PBLD: variants seen among roughly 807,000 people sequenced by gnomAD.
The protein encoded by PBLD is phenazine biosynthesis-like domain-containing protein.
In PBLD, 26 loss-of-function variants were observed where a neutral mutation model predicts 31.3. The ratio of observed to expected loss-of-function variants is 0.83; its 90% CI spans 0.61 to 1.15. The LOEUF (loss-of-function observed/expected upper bound fraction) is 1.15. Among genes scored for constraint, PBLD ranks in the 50% most tolerant of loss-of-function variants. The pLI, the probability that PBLD is intolerant of heterozygous loss-of-function variation, is 0.00. For missense variants in PBLD, 307 were observed against 351.7 expected, an observed-to-expected ratio of 0.87 and a Z score of 1.02; for synonymous variants, 114 against 129.0, an observed-to-expected ratio of 0.88 and a Z score of 0.79.
intron 1 of PBLD, among the ~76,000 whole-genome samples, chr10:68,318,557 T>C (rs1239193246): frequency 6.7e-6 from 1 of 149,966 alleles, no homozygotes; most frequent in Non-Finnish European, 1.5e-5. Flanking sequence ...CATAAAGCAA[T>C]AGTCATAAAT....
chr10:68,332,604 AG>A (rs1178597262), intron 1 of PBLD, among the ~76,000 whole-genome samples, 179 bp downstream of exon 1: 1 of 151,496 alleles, frequency 6.6e-6, no homozygotes, highest in Non-Finnish European at 1.5e-5. Flanking sequence ...AGGCCAGGGG[AG>A]GGGGTGGTCA....
chr10:68,300,183 G>A (rs1179212319), intron 2 of PBLD, among the ~76,000 whole-genome samples: 3 of 151,946 alleles, frequency 2.0e-5, no homozygotes, highest in South Asian at 4.2e-4. Context: ...GATCCTCTAC[G>A]CCCCGGCTTA....
intron 2 of PBLD, among the ~76,000 whole-genome samples, chr10:68,305,532 T>C (rs2134472320): frequency 6.6e-6 from 1 of 152,138 alleles, no homozygotes; most frequent in African/African-American, 2.4e-5. Context: ...GGCAGGTAGA[T>C]CACCTGAGGT....
intron 2 of PBLD, among the ~76,000 whole-genome samples, chr10:68,306,537 C>G (rs978435556): frequency 1.3e-5 from 2 of 152,174 alleles, no homozygotes; most frequent in Non-Finnish European, 2.9e-5. Context: ...GCTCTAGTTC[C>G]TCTTTATCTG....
Position 68,302,843 on chromosome 10 carries a change from GA to G in PBLD, c.84+3917del, listed in dbSNP as rs753219563. On this transcript the variant is annotated intron_variant, in intron 2 of 9. Coordinates refer to ENST00000358769, the MANE Select transcript of PBLD (RefSeq NM_022129.4). The stretch of plus-strand genomic sequence containing the variant: ...GGGAGAAAGCAAGGTCCTGTCTCTG[GA>G]AAAAAAAAAAAAAATTAGAATTTAA... Among the ~76,000 whole-genome samples the G allele has an allele frequency of 5.1e-3, 544 of 105,968 alleles. 5 individuals are homozygous for G. The highest frequency in any genetic ancestry group is 0.011 in the African/African-American group (314 of 29,456). The allele number at this position is 105,968 out of a possible 152,430, so 69.5% of individuals were successfully genotyped here.
rs1424321004 is a variant in PBLD at position 68,283,418 on chromosome 10, A to T, written c.*759T>A. 1 of 152,224 alleles carries T rather than the reference A, an allele frequency of 6.6e-6. No homozygotes were observed. Among genetic ancestry groups the T allele is most frequent in the African/African-American group, 2.4e-5 (1 of 41,448 alleles). The allele number at this position is 152,224 out of a possible 1,614,324, so 9.4% of individuals were successfully genotyped here. A position where few individuals can be genotyped will look rare whatever the true frequency, so the allele number is the denominator to read the frequency against. ...CCATGCTTATTTATATAGACATAGC[A>T]TAACACTGCTAACACTTTATGGCCT... is the stretch of plus-strand genomic sequence containing the variant. On this transcript the variant is annotated 3_prime_UTR_variant, in exon 10 of 10. Transcript: ENST00000358769.
chr10:68,319,108 AAAGG>A (rs769446661), intron 1 of PBLD, among the ~76,000 whole-genome samples: 6 of 132,234 alleles, frequency 4.5e-5, no homozygotes, highest in African/African-American at 1.2e-4. Flanking sequence ...AGAAAGAAAG[AAAGG>A]AAAAAGAAAG....
At chr10:68,296,197 G>A in intron 4 of PBLD, 69 bp downstream of exon 4, 1 of 1,145,330 alleles carries the variant, frequency 8.7e-7, no homozygotes. Flanking sequence ...CAGAAAAAGT[G>A]TGTGTGAGAA....
intron 4 of PBLD, among the ~76,000 whole-genome samples, chr10:68,293,325 C>A (rs542515572): frequency 6.6e-6 from 1 of 152,206 alleles, no homozygotes; most frequent in Non-Finnish European, 1.5e-5. Flanking sequence ...AAACTTTTTA[C>A]ATAACAATGT....
chr10:68,324,156 C>T (rs1359372936), intron 1 of PBLD, among the ~76,000 whole-genome samples: 2 of 146,226 alleles, frequency 1.4e-5, no homozygotes, highest in African/African-American at 5.0e-5. Flanking sequence ...TCCTAATTTT[C>T]TTTTTTTTTT....
At chr10:68,310,163 C>T (rs886119406) in intron 1 of PBLD, among the ~76,000 whole-genome samples, 5 of 149,220 alleles carry the variant, frequency 3.4e-5, no homozygotes, top group Non-Finnish European at 5.9e-5. Context: ...TAATAGAGTA[C>T]GGGCATTCAA....
At chr10:68,312,163 C>T (rs567410910) in intron 1 of PBLD, among the ~76,000 whole-genome samples, 59 of 152,290 alleles carry the variant, frequency 3.9e-4, no homozygotes, top group Admixed American at 1.5e-3. Flanking sequence ...AACACAAGAA[C>T]GCAGATATTT....
Position 68,308,371 on chromosome 10 carries a change from A to C in PBLD, c.-59-1468T>G, listed in dbSNP as rs535037091. ...TTTCTTCTGTGTTCCTGATTCTTTTATATATATTCCTAAAAGTGAAATCCC... is the reference window on the plus strand; with the variant it reads ...TTTCTTCTGTGTTCCTGATTCTTTTCTATATATTCCTAAAAGTGAAATCCC... On this transcript the variant is annotated intron_variant, in intron 1 of 9. Coordinates refer to ENST00000358769, the MANE Select transcript of PBLD (RefSeq NM_022129.4). 5.9e-5 allele frequency among the ~76,000 whole-genome samples: 9 copies of C among 152,272 alleles called. 1 individual carries two copies. The South Asian group carries it at 1.9e-3, about 32-fold the overall frequency.
chr10:68,286,842 G>T (rs184384161), intron 8 of PBLD, among the ~76,000 whole-genome samples: 2 of 120,326 alleles, frequency 1.7e-5, no homozygotes, highest in Admixed American at 1.7e-4. Flanking sequence ...CCTCTCGTTT[G>T]GGAAAACCTA....
chr10:68,314,750 AC>A (rs1203711643), intron 1 of PBLD, among the ~76,000 whole-genome samples: 1 of 151,956 alleles, frequency 6.6e-6, no homozygotes, highest in Non-Finnish European at 1.5e-5. Context: ...GGAGCACAAC[AC>A]CACACCAGGC....
rs184894758 is a variant in PBLD, at chr10:68,317,254, A to T, written c.-59-10351T>A. ...GTAAAATTAAGATACTTCCAGATAA[A>T]CAAAAACTTGTTGCTAGAATTTGTT... is the stretch of plus-strand genomic sequence containing the variant. On this transcript the variant is annotated intron_variant, in intron 1 of 9. Transcript: ENST00000358769. Among the ~76,000 whole-genome samples, 6 of 152,342 alleles carry T rather than the reference A, an allele frequency of 3.9e-5. No homozygotes were observed. In the East Asian group the frequency reaches 9.6e-4, roughly 24 times the overall value.
chr10:68,285,522 C>A, intron 8 of PBLD, 112 bp from the exon 9 acceptor site: 1 of 1,411,182 alleles, frequency 7.1e-7, no homozygotes, highest in Non-Finnish European at 9.4e-7. Flanking sequence ...CTCTAGATCA[C>A]CTAAATCATT....
intron 1 of PBLD, among the ~76,000 whole-genome samples, chr10:68,319,590 G>A (rs59774039): frequency 0.056 from 8,436 of 151,898 alleles, 807 homozygotes; most frequent in African/African-American, 0.19. Context: ...GTGTGGTGGT[G>A]TGTGCCAGTA....
At chr10:68,290,018 A>G (rs564999930) in intron 6 of PBLD, among the ~76,000 whole-genome samples, 1 of 152,266 alleles carries the variant, frequency 6.6e-6, no homozygotes, top group African/African-American at 2.4e-5. Flanking sequence ...CTGACTGCAC[A>G]TAATCTTGCT....
Sources: allele counts gnomAD v4.1 joint callset (sites outside exome capture counted in the v4.1 genomes callset), GRCh38; gene constraint gnomAD v4.1.1; transcripts MANE v1.5; gene names NCBI Gene and HGNC (gene_info 2026-07-23, HGNC 2026-07-21).